Variants in EIF2D observed in about 807,000 individuals in gnomAD.
EIF2D encodes eukaryotic translation initiation factor 2D, also known as hepatocellular carcinoma-associated antigen 56.
EIF2D carries 56 observed loss-of-function variants against 77.4 expected under a neutral mutation model. The ratio of observed to expected loss-of-function variants is 0.72; its 90% confidence interval spans 0.58 to 0.90. EIF2D has a LOEUF of 0.90. Among genes scored for constraint, EIF2D ranks in the 40% least tolerant of loss-of-function variants. The probability of loss-of-function intolerance (pLI) is 0.00; values close to 1 mark genes in which losing one functional copy is unlikely to be tolerated. For missense variants in EIF2D, 574 were observed against 706.5 expected, an observed-to-expected ratio of 0.81 and a Z score of 2.13; for synonymous variants, 230 against 271.0, an observed-to-expected ratio of 0.85 and a Z score of 1.49.
At chr1:206,600,144 A>G in intron 8 of EIF2D, 119 bp downstream of exon 8, 1 of 1,078,722 alleles carries the variant, frequency 9.3e-7, no homozygotes, top group South Asian at 1.6e-5. Flanking sequence ...CTTGGAGTCA[A>G]AAAGCTTAAT....
intron 6 of EIF2D, 180 bp downstream of exon 6, chr1:206,602,771 T>C: frequency 3.3e-6 from 3 of 906,850 alleles, no homozygotes; most frequent in Non-Finnish European, 1.6e-6. Flanking sequence ...ACGTGACTTA[T>C]GTGGAAAGGA....
chr1:206,578,829 A>T (rs1553405681), intron 4 of EIF2D, among the ~76,000 whole-genome samples: 1 of 151,980 alleles, frequency 6.6e-6, no homozygotes, highest in Non-Finnish European at 1.5e-5. Flanking sequence ...GCATTAGGTC[A>T]CTCTCCAGTC....
intron 2 of EIF2D, chr1:206,586,580 A>C (rs2103575071): frequency 2.5e-6 from 1 of 397,526 alleles, no homozygotes; most frequent in African/African-American, 2.1e-5. Context: ...TTGAGTTTCA[A>C]AATAAAAACA....
At chr1:206,594,096 G>A (rs4845115) in intron 13 of EIF2D, 37,418 of 203,936 alleles carry the variant, frequency 0.18, 3,622 homozygotes, top group East Asian at 0.29. Flanking sequence ...AAGCAGAATA[G>A]TATATAAACC....
In EIF2D at chr1:206,599,900, G is replaced by C; in HGVS notation, c.949-64C>G. ...TTCCACACACATACTGAGCACCCAG[G>C]ATGTGCCAGAGTGAGCTAGGCAGGG... On this transcript the variant is annotated intron_variant, in intron 8 of 14. Coordinates refer to ENST00000271764, the MANE Select transcript of EIF2D (RefSeq NM_006893.3). The surrounding 1 kb of genome is among the most constrained non-coding windows in gnomAD (Gnocchi z 4.1). The C allele has an allele frequency of 6.8e-7, 1 of 1,478,194 alleles. No homozygotes were observed. Among genetic ancestry groups the C allele is most frequent in the South Asian group, 1.1e-5 (1 of 87,160 alleles). 91.6% of individuals were successfully genotyped at this position (1,478,194 alleles called of 1,614,324 possible).
intron 11 of EIF2D, among the ~76,000 whole-genome samples, chr1:206,597,708 GC>G (rs1669718716): frequency 6.6e-6 from 1 of 152,182 alleles, no homozygotes; most frequent in Non-Finnish European, 1.5e-5. Context: ...ACTTTGGGAC[GC>G]CGAGATGGGT....
At chr1:206,575,463 T>G (rs1299357449) in intron 4 of EIF2D, among the ~76,000 whole-genome samples, 1 of 152,168 alleles carries the variant, frequency 6.6e-6, no homozygotes, top group African/African-American at 2.4e-5. Context: ...GGCTTGGGCT[T>G]GGCTAAGATA....
chr1:206,605,429 A>G lies in EIF2D; in HGVS notation c.501T>C (p.Ser167=). The G allele has an allele frequency of 6.2e-7, 1 of 1,614,156 alleles. No homozygotes were observed. The highest frequency in any genetic ancestry group is 8.5e-7 in the Non-Finnish European group (1 of 1,180,030). ...LTSGLKGRGF[S]VLHTYQDHLW... is the part of the protein sequence containing the mutation. ...AGTGGTCCTGGTAAGTGTGGAGCAC[A>G]GAGAAGCCCCTTCCCTTCAGGCCTG... The change falls in exon 5 of 15, where the codon TCT becomes TCC. Residue 167 remains serine, a synonymous_variant. Coordinates refer to ENST00000271764, the MANE Select transcript of EIF2D (RefSeq NM_006893.3).
chr1:206,600,298 G>A lies in EIF2D; in HGVS notation c.913C>T (p.Arg305Ter), dbSNP rs782206827. ...CTTGACTTCTTTATGTCCAGTTGTCGTCCTTCGGGGCTGATGGCAGATGGA... is the reference window on the plus strand; with the variant it reads ...CTTGACTTCTTTATGTCCAGTTGTCATCCTTCGGGGCTGATGGCAGATGGA... ...SHMFSCCPEG[R>*]QLDIKKSSYK... The change falls in exon 8 of 15, where the codon CGA becomes TGA. Residue 305 changes from arginine (R) to a stop codon, truncating the protein, a stop_gained. Coordinates refer to ENST00000271764, the MANE Select transcript of EIF2D (RefSeq NM_006893.3). LOFTEE classifies it high-confidence loss of function. The A allele has an allele frequency of 1.1e-5, 17 of 1,613,804 alleles. No homozygotes were observed. Among genetic ancestry groups the A allele is most frequent in the Admixed American group, 5.0e-5 (3 of 59,990 alleles).
At chr1:206,580,885 C>T (rs1229442065) in intron 3 of EIF2D, 2 of 152,262 alleles carry the variant, frequency 1.3e-5, no homozygotes, top group Admixed American at 1.3e-4. Context: ...GGGCCTGACC[C>T]GCTGCTTAGA....
downstream of EIF2D, chr1:206,591,586 C>T (rs1414956835): frequency 1.4e-5 from 9 of 622,842 alleles, no homozygotes; most frequent in South Asian, 1.2e-4. Context: ...AGAATACTCC[C>T]GACTTCAAAA....
At chr1:206,607,192 C>T (rs918375814) in intron 4 of EIF2D, among the ~76,000 whole-genome samples, 34 of 150,924 alleles carry the variant, frequency 2.3e-4, no homozygotes, top group African/African-American at 7.5e-4. Context: ...TAAATGTCCG[C>T]ATAAAAATAA....
chr1:206,590,360 A>G (rs781155023), downstream of EIF2D, among the ~76,000 whole-genome samples: 72 of 152,294 alleles, frequency 4.7e-4, no homozygotes, highest in Middle Eastern at 3.4e-3. Context: ...GCGGGACATG[A>G]CCTTTCTTAG....
chr1:206,597,101 T>C lies in EIF2D; in HGVS notation c.1387A>G (p.Arg463Gly). 1 of 1,613,512 alleles carries C rather than the reference T, an allele frequency of 6.2e-7. No individual in the cohort carries two copies. The highest frequency in any genetic ancestry group is 8.5e-7 in the Non-Finnish European group (1 of 1,179,524). ...MKLPWDSLLTRCLEKLQPAYQ... is the reference protein window; with the variant it reads ...MKLPWDSLLTGCLEKLQPAYQ... ...AGAGGGACTGCCAATGCTCGTTACC[T>C]GGTCAGAAGACTGTCCCATGGAAGC... The change falls in exon 12 of 15, where the codon AGG becomes GGG. Residue 463 changes from arginine to glycine, a missense_variant and splice_region_variant. Transcript: ENST00000271764.
rs1553410723 is a variant in EIF2D, at chr1:206,599,023, C to T, written c.1272G>A (p.Leu424=). 4 of 1,614,174 alleles carry T rather than the reference C, an allele frequency of 2.5e-6. No homozygotes were observed. In the Admixed American group the frequency reaches 5.0e-5, roughly 20 times the overall value. ...IVINYAKKND[L]VDADNKNLVR... The stretch of plus-strand genomic sequence containing the variant: ...CTCACTTTTTGTTGTCTGCATCAAC[C>T]AGGTCATTTTTCTTGGCGTAGTTAA... Residue 424 remains leucine, a synonymous_variant, in exon 11 of 15, where the codon CTG becomes CTA. Transcript: ENST00000271764. This position sits in a 1 kb window ranked among gnomAD's most constrained non-coding sequence, Gnocchi z 4.1.
downstream of EIF2D, chr1:206,591,526 T>C (rs1273434937): frequency 1.1e-5 from 6 of 526,658 alleles, no homozygotes; most frequent in Non-Finnish European, 2.0e-5. Context: ...ATGAAATCAT[T>C]GAAACCACAT....
At chr1:206,583,362 T>C in intron 2 of EIF2D, 1 of 1,611,480 alleles carries the variant, frequency 6.2e-7, no homozygotes, top group East Asian at 2.2e-5. Context: ...AGAGAAGAAC[T>C]GCCTGGGCAT....
intron 12 of EIF2D, 108 bp from the exon 13 acceptor site, chr1:206,595,946 AC>A: frequency 6.8e-7 from 1 of 1,460,672 alleles, no homozygotes; most frequent in Non-Finnish European, 9.3e-7. Flanking sequence ...CAGGTCCACA[AC>A]CTTGGCTGCA....
intron 4 of EIF2D, among the ~76,000 whole-genome samples, chr1:206,577,091 G>T (rs1668684791): frequency 6.6e-6 from 1 of 151,898 alleles, no homozygotes; most frequent in Non-Finnish European, 1.5e-5. Context: ...GATTGTAGGT[G>T]TGAGCCACCA....
Sources: allele counts gnomAD v4.1 joint callset (sites outside exome capture counted in the v4.1 genomes callset), GRCh38; gene constraint gnomAD v4.1.1; non-coding constraint Gnocchi (gnomAD v3.1); transcripts MANE v1.5; gene names NCBI Gene and HGNC (gene_info 2026-07-23, HGNC 2026-07-21).